The following PAIP2B variants were observed in gnomAD, a reference collection of about 807,000 sequenced individuals.
PAIP2B encodes polyadenylate-binding protein-interacting protein 2B.
PAIP2B carries 13 observed loss-of-function variants against 17.0 expected under a neutral mutation model. The observed-to-expected ratio is 0.76, with a 90% CI of 0.50 to 1.22. The LOEUF is 1.22. Among genes scored for constraint, PAIP2B ranks in the 50% most tolerant of loss-of-function variants. PAIP2B has a pLI of 0.00. For synonymous variants in PAIP2B, 43 were observed against 48.7 expected (o/e 0.88, Z 0.48); for missense variants, 117 against 144.5 (o/e 0.81, Z 0.98).
chr2:71,183,879 C>T lies in PAIP2B; in HGVS notation c.*4600G>A, dbSNP rs1674463829. 1 of 152,172 alleles carries T rather than the reference C, an allele frequency of 6.6e-6. No homozygotes were observed. The highest frequency in any genetic ancestry group is 1.5e-5 in the Non-Finnish European group (1 of 68,036). The allele number at this position is 152,172 out of a possible 1,614,324, so 9.4% of individuals were successfully genotyped here. A position where few individuals can be genotyped will look rare whatever the true frequency, so the allele number is the denominator to read the frequency against. ...CCACTGAGGGAAGTTACTAAAATCACTGAAATGTACACTTGAAATGGGTGT... is the reference window on the plus strand; with the variant it reads ...CCACTGAGGGAAGTTACTAAAATCATTGAAATGTACACTTGAAATGGGTGT... On this transcript the variant is annotated 3_prime_UTR_variant, in exon 4 of 4. Coordinates refer to ENST00000244221, the MANE Select transcript of PAIP2B (RefSeq NM_020459.1).
chr2:71,226,763 C>T (rs1223924094), intron 1 of PAIP2B, among the ~76,000 whole-genome samples, 165 bp downstream of exon 1: 1 of 152,204 alleles, frequency 6.6e-6, no homozygotes, highest in Non-Finnish European at 1.5e-5. Flanking sequence ...ATGGCCGCGA[C>T]GTGGGACCCC....
chr2:71,224,335 T>C (rs187546134), intron 1 of PAIP2B, among the ~76,000 whole-genome samples: 399 of 152,322 alleles, frequency 2.6e-3, no homozygotes, highest in African/African-American at 9.1e-3. Context: ...GTGTGAGATA[T>C]GTATATATGT....
chr2:71,189,387 G>A (rs1054373147), intron 3 of PAIP2B, among the ~76,000 whole-genome samples: 2 of 152,174 alleles, frequency 1.3e-5, no homozygotes, highest in Non-Finnish European at 2.9e-5. Context: ...ATTCTAAGTG[G>A]AGAAAATGAC....
intron 1 of PAIP2B, among the ~76,000 whole-genome samples, chr2:71,204,070 G>A (rs774895715): frequency 2.0e-5 from 3 of 152,058 alleles, no homozygotes; most frequent in Middle Eastern, 3.4e-3. Flanking sequence ...CTACTTAATT[G>A]TTGTTTGATA....
chr2:71,197,158 T>C (rs1362661638), intron 2 of PAIP2B, among the ~76,000 whole-genome samples: 1 of 152,198 alleles, frequency 6.6e-6, no homozygotes, highest in Non-Finnish European at 1.5e-5. Context: ...GTAGTGGTCT[T>C]TCCTTTCTAT....
chr2:71,202,256 A>C (rs1675003536), intron 2 of PAIP2B, among the ~76,000 whole-genome samples, 196 bp downstream of exon 2: 1 of 152,202 alleles, frequency 6.6e-6, no homozygotes, highest in Non-Finnish European at 1.5e-5. Flanking sequence ...ATCTTCCTCC[A>C]AGGTACTATC....
intron 1 of PAIP2B, among the ~76,000 whole-genome samples, chr2:71,223,160 C>A (rs1281756940): frequency 1.3e-5 from 2 of 152,148 alleles, no homozygotes; most frequent in African/African-American, 4.8e-5. Context: ...CGCCTGTAAT[C>A]CCAGCACTCG....
chr2:71,224,389 G>C (rs565942096), intron 1 of PAIP2B, among the ~76,000 whole-genome samples: 2 of 152,294 alleles, frequency 1.3e-5, no homozygotes, highest in South Asian at 4.1e-4. Context: ...TGATAATTCA[G>C]TGTTCTTGGC....
At chr2:71,191,732 C>T (rs1488609484) in intron 2 of PAIP2B, among the ~76,000 whole-genome samples, 1 of 152,192 alleles carries the variant, frequency 6.6e-6, no homozygotes, top group Non-Finnish European at 1.5e-5. Flanking sequence ...CTCTCCCTTT[C>T]CCAGCTGCTG....
chr2:71,220,823 A>G (rs562200808), intron 1 of PAIP2B, among the ~76,000 whole-genome samples: 1 of 152,236 alleles, frequency 6.6e-6, no homozygotes, highest in African/African-American at 2.4e-5. Flanking sequence ...CCAGCACTCC[A>G]TATATTACTA....
In PAIP2B at chr2:71,183,734, T is replaced by TA. The variant is rs1163566485; in HGVS notation, c.*4744dup. On this transcript the variant is annotated 3_prime_UTR_variant, in exon 4 of 4. Transcript: ENST00000244221. ...TTGAACTGTCCAGAAAGGGCAAATT[T>TA]ATAGAGAAAGTAGATTAGTGGTTGC... is the stretch of plus-strand genomic sequence containing the variant. The TA allele has an allele frequency of 2.0e-5, 3 of 152,180 alleles. No homozygotes were observed. Among genetic ancestry groups the TA allele is most frequent in the Admixed American group, 6.5e-5 (1 of 15,270 alleles). The allele number at this position is 152,180 out of a possible 1,614,324, so 9.4% of individuals were successfully genotyped here. A position where few individuals can be genotyped will look rare whatever the true frequency, so the allele number is the denominator to read the frequency against.
At chr2:71,202,745 C>G in intron 1 of PAIP2B, 145 bp from the exon 2 acceptor site, 2 of 661,518 alleles carry the variant, frequency 3.0e-6, no homozygotes, top group Non-Finnish European at 2.5e-6. Flanking sequence ...GTCTGTAACT[C>G]TTATAAAACC....
chr2:71,215,209 AT>A lies in PAIP2B; in HGVS notation c.-12+11718del, dbSNP rs570590914. Reference sequence around the variant, plus strand: ...CATACAGTCCAGGAGCCTATATAAAATTACCTGGGAAAGTTATTAAAAAATG... The same window carrying A: ...CATACAGTCCAGGAGCCTATATAAAATACCTGGGAAAGTTATTAAAAAATG... On this transcript the variant is annotated intron_variant, in intron 1 of 3. Coordinates refer to ENST00000244221, the MANE Select transcript of PAIP2B (RefSeq NM_020459.1). 6.4e-4 allele frequency among the ~76,000 whole-genome samples: 98 copies of A among 152,250 alleles called. 1 individual carries two copies. Among genetic ancestry groups the A allele is most frequent in the African/African-American group, 2.2e-3 (93 of 41,552 alleles).
chr2:71,188,594 C>T lies in PAIP2B; in HGVS notation c.316-59G>A, dbSNP rs369660231. 10 of 1,412,504 alleles carry T rather than the reference C, an allele frequency of 7.1e-6. No homozygotes were observed. The African/African-American group carries it at 1.4e-4, about 20-fold the overall frequency. 87.5% of individuals were successfully genotyped at this position (1,412,504 alleles called of 1,614,324 possible). A position where few individuals can be genotyped will look rare whatever the true frequency, so the allele number is the denominator to read the frequency against. ...GGCAAGCTGCATTTTAAAACTTACCCAGTCCATCATTATCAGTACCTTCCC... is the reference window on the plus strand; with the variant it reads ...GGCAAGCTGCATTTTAAAACTTACCTAGTCCATCATTATCAGTACCTTCCC... On this transcript the variant is annotated intron_variant, in intron 3 of 3. Coordinates refer to ENST00000244221, the MANE Select transcript of PAIP2B (RefSeq NM_020459.1).
intron 2 of PAIP2B, among the ~76,000 whole-genome samples, chr2:71,193,502 C>T (rs1009283809): frequency 6.6e-6 from 1 of 152,126 alleles, no homozygotes; most frequent in Non-Finnish European, 1.5e-5. Context: ...GCCATTAAAT[C>T]TTTGACCATT....
intron 2 of PAIP2B, among the ~76,000 whole-genome samples, chr2:71,192,118 C>T (rs77822899): frequency 0.015 from 2,286 of 152,272 alleles, 51 homozygotes; most frequent in African/African-American, 0.051. Flanking sequence ...CCCATTAACA[C>T]AAATTTTCCA....
chr2:71,192,824 T>C (rs1674721993), intron 2 of PAIP2B, among the ~76,000 whole-genome samples: 1 of 152,236 alleles, frequency 6.6e-6, no homozygotes, highest in Non-Finnish European at 1.5e-5. Flanking sequence ...ACATTTTCTT[T>C]ATCCAGTCTG....
intron 2 of PAIP2B, among the ~76,000 whole-genome samples, chr2:71,192,717 CTA>C (rs1674718851): frequency 6.6e-6 from 1 of 152,110 alleles, no homozygotes; most frequent in South Asian, 2.1e-4. Flanking sequence ...TGTTAGTTTG[CTA>C]AGGATGATAG....
At chr2:71,221,823 T>C (rs1356566574) in intron 1 of PAIP2B, among the ~76,000 whole-genome samples, 1 of 152,230 alleles carries the variant, frequency 6.6e-6, no homozygotes, top group East Asian at 1.9e-4. Context: ...TACAAGAGGA[T>C]TGTAAAATGC....
Sources: gnomAD v4.1 joint callset for allele counts (sites outside exome capture counted in the v4.1 genomes callset) on GRCh38, gnomAD v4.1.1 for gene constraint, MANE v1.5 for transcripts, NCBI Gene and HGNC (gene_info 2026-07-23, HGNC 2026-07-21) for gene names.